NR5A2: variants seen among roughly 807,000 people sequenced by gnomAD.
NR5A2 encodes nuclear receptor subfamily 5 group A member 2, also known as CYP7A promoter-binding factor.
NR5A2 carries 26 observed loss-of-function variants against 62.7 expected under a neutral mutation model. That is an observed-to-expected ratio of 0.41 (90% confidence interval 0.30 to 0.58). NR5A2 has a LOEUF of 0.58. NR5A2 is among the 20% of genes least tolerant of loss of function. The probability of loss-of-function intolerance (pLI) is 0.22; values close to 1 mark genes in which losing one functional copy is unlikely to be tolerated. For synonymous variants in NR5A2, 246 were observed against 241.7 expected (o/e 1.02, Z -0.16); for missense variants, 541 against 669.1 (o/e 0.81, Z 2.11).
chr1:200,035,641 C>T (rs536648157), intron 1 of NR5A2, among the ~76,000 whole-genome samples: 82 of 152,278 alleles, frequency 5.4e-4, no homozygotes, highest in South Asian at 3.3e-3. Context: ...CGCACGGCCC[C>T]GTAACGCCGA....
At chr1:200,066,299 T>C (rs186491025) in intron 5 of NR5A2, among the ~76,000 whole-genome samples, 10 of 152,218 alleles carry the variant, frequency 6.6e-5, no homozygotes, top group Non-Finnish European at 1.5e-4. Flanking sequence ...CAGGCAGGAC[T>C]CAGGTTTTTG....
chr1:200,054,775 T>A lies in NR5A2; in HGVS notation c.1110+5957T>A, dbSNP rs10429894. Among the ~76,000 whole-genome samples, 1,347 of 152,326 alleles carry A rather than the reference T, an allele frequency of 8.8e-3. 63 individuals carry two copies. The East Asian group carries it at 0.14, about 16-fold the overall frequency. ...CTATCTGAGCAGCATTATTTATCTA[T>A]TTTTAACATTCTAGATCCTTTTTCC... On this transcript the variant is annotated intron_variant, in intron 5 of 7. Transcript: ENST00000367362.
chr1:200,088,733 G>T (rs74136124), intron 5 of NR5A2, among the ~76,000 whole-genome samples: 4,678 of 152,072 alleles, frequency 0.031, 188 homozygotes, highest in African/African-American at 0.1. Flanking sequence ...TCTTCTTTTT[G>T]GTGTTAACAC....
chr1:200,145,749 G>A (rs1667672871), intron 7 of NR5A2, among the ~76,000 whole-genome samples: 1 of 152,064 alleles, frequency 6.6e-6, no homozygotes, highest in Non-Finnish European at 1.5e-5. Context: ...TCAGCCTCCT[G>A]AGTAGCTGGG....
chr1:200,135,217 G>C (rs1356587799), intron 7 of NR5A2, among the ~76,000 whole-genome samples: 1 of 152,100 alleles, frequency 6.6e-6, no homozygotes, highest in Non-Finnish European at 1.5e-5. Context: ...TTTGACTTGG[G>C]GCCTGAAATA....
chr1:200,089,502 ACT>A lies in NR5A2; in HGVS notation c.1111-21697_1111-21696del, dbSNP rs545903843. Among the ~76,000 whole-genome samples, 292 of 133,810 alleles carry A rather than the reference ACT, an allele frequency of 2.2e-3. 3 individuals carry two copies. The highest frequency in any genetic ancestry group is 8.1e-3 in the African/African-American group (283 of 34,880). The allele number at this position is 133,810 out of a possible 152,430, so 87.8% of individuals were successfully genotyped here. ...TTTCTTTCTTTTGAGAAGGAATCACACTCTGTCGCCCAGGATGGAGTGCAGTG... is the reference window on the plus strand; with the variant it reads ...TTTCTTTCTTTTGAGAAGGAATCACACTGTCGCCCAGGATGGAGTGCAGTG... On this transcript the variant is annotated intron_variant, in intron 5 of 7. Coordinates refer to ENST00000367362, the MANE Select transcript of NR5A2 (RefSeq NM_205860.3).
At chr1:200,166,177 G>C (rs1490815335) in intron 7 of NR5A2, among the ~76,000 whole-genome samples, 2 of 152,134 alleles carry the variant, frequency 1.3e-5, no homozygotes, top group Non-Finnish European at 2.9e-5. Context: ...AAATCAAGTG[G>C]TTTTCAAACA....
At chr1:200,127,924 C>A (rs1018477628) in intron 7 of NR5A2, among the ~76,000 whole-genome samples, 13 of 150,162 alleles carry the variant, frequency 8.7e-5, no homozygotes, top group African/African-American at 3.2e-4. Context: ...TTTATTAAGG[C>A]AAAATGATAT....
chr1:200,107,393 G>GCAAA (rs1665732108), intron 5 of NR5A2, among the ~76,000 whole-genome samples: 3 of 150,734 alleles, frequency 2.0e-5, no homozygotes, highest in Admixed American at 2.0e-4. Flanking sequence ...AGAACAATAA[G>GCAAA]CAAACAATCA....
chr1:200,104,412 TTG>T (rs1665546058), intron 5 of NR5A2, among the ~76,000 whole-genome samples: 1 of 152,176 alleles, frequency 6.6e-6, no homozygotes, highest in South Asian at 2.1e-4. Flanking sequence ...ATTAATGCAG[TTG>T]TGTGTCTGTC....
chr1:200,042,852 G>GA (rs1168320185), intron 2 of NR5A2: 5 of 985,422 alleles, frequency 5.1e-6, no homozygotes, highest in Non-Finnish European at 6.0e-6. Flanking sequence ...TAGCTGCGAA[G>GA]ACGCCTTCGT....
chr1:200,130,278 G>GGAAGAAGAAGAAGAAGAA (rs66507419), intron 7 of NR5A2, among the ~76,000 whole-genome samples: 114 of 106,522 alleles, frequency 1.1e-3, no homozygotes, highest in Non-Finnish European at 2.1e-3. Context: ...GAACTAACTA[G>GGAAGAAGAAGAAGAAGAA]GAAGAAGAAG....
At chr1:200,094,060 T>A (rs1284543715) in intron 5 of NR5A2, among the ~76,000 whole-genome samples, 1 of 152,060 alleles carries the variant, frequency 6.6e-6, no homozygotes, top group Non-Finnish European at 1.5e-5. Context: ...TCCCAGCTAC[T>A]CAGGAGGCCG....
intron 7 of NR5A2, among the ~76,000 whole-genome samples, chr1:200,137,317 ATTT>A (rs775106954): frequency 6.9e-5 from 9 of 131,134 alleles, no homozygotes; most frequent in African/African-American, 1.7e-4. Context: ...CACCTGGCTA[ATTT>A]TTTTTTTTTT....
chr1:200,119,913 CTT>C (rs200964817), intron 6 of NR5A2, among the ~76,000 whole-genome samples: 1 of 144,198 alleles, frequency 6.9e-6, no homozygotes, highest in Admixed American at 7.0e-5. Flanking sequence ...CCGGCCAGCA[CTT>C]TTTTTTTTTT....
chr1:200,065,944 G>A (rs1411373850), intron 5 of NR5A2, among the ~76,000 whole-genome samples: 1 of 152,144 alleles, frequency 6.6e-6, no homozygotes. Flanking sequence ...CAATGATTGT[G>A]GGGGAAATAG....
chr1:200,130,371 G>T (rs554552902), intron 7 of NR5A2, among the ~76,000 whole-genome samples: 1 of 151,462 alleles, frequency 6.6e-6, no homozygotes, highest in East Asian at 1.9e-4. Flanking sequence ...AATTGTGTTT[G>T]CAGTGCCTAA....
At chr1:200,161,399 G>A (rs1223756969) in intron 7 of NR5A2, among the ~76,000 whole-genome samples, 4 of 152,114 alleles carry the variant, frequency 2.6e-5, no homozygotes, top group African/African-American at 9.7e-5. Flanking sequence ...TGTACGATCT[G>A]TTTCATAAAC....
chr1:200,134,966 C>T (rs1326951670), intron 7 of NR5A2, among the ~76,000 whole-genome samples: 1 of 152,226 alleles, frequency 6.6e-6, no homozygotes, highest in Non-Finnish European at 1.5e-5. Flanking sequence ...TCAGCCCCTG[C>T]AGCCGTCATT....
Sources: gnomAD v4.1 joint callset for allele counts (sites outside exome capture counted in the v4.1 genomes callset) on GRCh38, gnomAD v4.1.1 for gene constraint, MANE v1.5 for transcripts, NCBI Gene and HGNC (gene_info 2026-07-23, HGNC 2026-07-21) for gene names.